CHRM2: variants seen among roughly 807,000 people sequenced by gnomAD.
The protein encoded by CHRM2 is cholinergic receptor muscarinic 2, also known as muscarinic acetylcholine receptor M2.
Under a neutral mutation model 25.0 loss-of-function variants are expected in CHRM2, and 8 were observed. The ratio of observed to expected loss-of-function variants is 0.32; its 90% CI spans 0.19 to 0.58. The LOEUF (loss-of-function observed/expected upper bound fraction) is 0.58. Ranked by LOEUF, CHRM2 falls within the 20% of genes least tolerant of loss-of-function variation. CHRM2 has a pLI of 0.88. For missense variants in CHRM2, 440 were observed against 567.1 expected (o/e 0.78, Z 2.28); for synonymous variants, 202 against 205.7 (o/e 0.98, Z 0.15).
chr7:136,994,436 C>T (rs1221596489), intron 3 of CHRM2, among the ~76,000 whole-genome samples: 2 of 151,154 alleles, frequency 1.3e-5, no homozygotes, highest in African/African-American at 2.4e-5. Flanking sequence ...ACATAAGCCA[C>T]ATCAATTTCT....
chr7:136,942,838 T>A (rs575849289), intron 2 of CHRM2, among the ~76,000 whole-genome samples: 41 of 152,260 alleles, frequency 2.7e-4, no homozygotes, highest in African/African-American at 8.4e-4. Flanking sequence ...AATTTTTTTT[T>A]AATTTAGTTC....
At chr7:136,974,341 C>A (rs1253800369) in intron 2 of CHRM2, among the ~76,000 whole-genome samples, 2 of 152,112 alleles carry the variant, frequency 1.3e-5, no homozygotes, top group African/African-American at 2.4e-5. Flanking sequence ...GTGCTTATCC[C>A]AAGTGCCAAC....
intron 2 of CHRM2, among the ~76,000 whole-genome samples, chr7:136,980,741 C>T (rs142079194): frequency 0.01 from 1,571 of 152,204 alleles, 30 homozygotes; most frequent in African/African-American, 0.036. Context: ...AGATGGATTA[C>T]GTTTATTGAT....
intron 2 of CHRM2, chr7:136,938,206 T>C: frequency 1.3e-6 from 1 of 759,052 alleles, no homozygotes; most frequent in Non-Finnish European, 2.4e-6. Context: ...GCAGGTTACT[T>C]CTCACTCAGG....
At chr7:136,976,633 C>T (rs1186751263) in intron 2 of CHRM2, among the ~76,000 whole-genome samples, 1 of 152,106 alleles carries the variant, frequency 6.6e-6, no homozygotes, top group Non-Finnish European at 1.5e-5. Context: ...TGCTGAGAAA[C>T]CACATAGGAG....
At chr7:136,884,295 A>G (rs1193157978) in intron 2 of CHRM2, among the ~76,000 whole-genome samples, 1 of 152,130 alleles carries the variant, frequency 6.6e-6, no homozygotes, top group Non-Finnish European at 1.5e-5. Flanking sequence ...TGAGTGCCAA[A>G]TTTGCAAAAA....
rs556404780 is a variant in CHRM2, at chr7:136,878,159, T to C, written c.-125+8741T>C. On this transcript the variant is annotated intron_variant, in intron 2 of 3. Transcript: ENST00000680005. Reference sequence around the variant, plus strand: ...AAAGTGATAAGAAAATTCTACTTAATTGTGTTCTTTGGAGAGCATCAGGGC... The same window carrying C: ...AAAGTGATAAGAAAATTCTACTTAACTGTGTTCTTTGGAGAGCATCAGGGC... Among the ~76,000 whole-genome samples the C allele has an allele frequency of 8.5e-5, 13 of 152,078 alleles. No homozygotes were observed. The South Asian group carries it at 1.7e-3, about 19-fold the overall frequency.
Position 136,948,445 on chromosome 7 carries a change from G to A in CHRM2, c.-124-43742G>A, listed in dbSNP as rs150453065. ...TGGGAGTGGATCACTGGAAATGAGC[G>A]GAAGTGAGGGCAAAGTTGAAGAGGT... On this transcript the variant is annotated intron_variant, in intron 2 of 3. Coordinates refer to ENST00000680005, the MANE Select transcript of CHRM2 (RefSeq NM_001006630.2). Among the ~76,000 whole-genome samples, 113 of 152,200 alleles carry A rather than the reference G, an allele frequency of 7.4e-4. 1 individual carries two copies. The East Asian group carries it at 0.015, about 21-fold the overall frequency.
chr7:137,006,087 A>G (rs1804406046), intron 3 of CHRM2, among the ~76,000 whole-genome samples: 1 of 152,120 alleles, frequency 6.6e-6, no homozygotes, highest in South Asian at 2.1e-4. Flanking sequence ...CACATTGTTT[A>G]GTCAGCACCA....
At chr7:136,945,646 G>C (rs1469585486) in intron 2 of CHRM2, among the ~76,000 whole-genome samples, 3 of 152,054 alleles carry the variant, frequency 2.0e-5, no homozygotes, top group Non-Finnish European at 1.5e-5. Flanking sequence ...TTTGAAGTTG[G>C]GTAATGTAAT....
intron 2 of CHRM2, among the ~76,000 whole-genome samples, chr7:136,931,362 A>G (rs1185840240): frequency 1.3e-5 from 2 of 152,208 alleles, no homozygotes; most frequent in Non-Finnish European, 2.9e-5. Flanking sequence ...GTTAAGTGAT[A>G]AAGATTTTGA....
intron 2 of CHRM2, among the ~76,000 whole-genome samples, chr7:136,925,281 G>T (rs1798678451): frequency 6.6e-6 from 1 of 152,022 alleles, no homozygotes; most frequent in African/African-American, 2.4e-5. Flanking sequence ...CCGGTTGCTG[G>T]CCAAGTAGAA....
At chr7:136,966,227 C>T (rs1394956942) in intron 2 of CHRM2, among the ~76,000 whole-genome samples, 1 of 151,268 alleles carries the variant, frequency 6.6e-6, no homozygotes, top group Non-Finnish European at 1.5e-5. Context: ...AAACCATTTT[C>T]AATTTAAAAG....
chr7:136,962,720 G>A (rs1354145302), intron 2 of CHRM2, among the ~76,000 whole-genome samples: 2 of 152,144 alleles, frequency 1.3e-5, no homozygotes, highest in East Asian at 1.9e-4. Flanking sequence ...GAACGACATT[G>A]TATTAGGAAT....
At chr7:136,974,070 TG>T (rs1801957160) in intron 2 of CHRM2, among the ~76,000 whole-genome samples, 1 of 152,154 alleles carries the variant, frequency 6.6e-6, no homozygotes, top group Admixed American at 6.5e-5. Context: ...ATTTCTTGTA[TG>T]TGAGAAGCAA....
At chr7:136,909,546 G>T (rs1454991415) in intron 2 of CHRM2, among the ~76,000 whole-genome samples, 1 of 151,870 alleles carries the variant, frequency 6.6e-6, no homozygotes, top group Admixed American at 6.6e-5. Flanking sequence ...ATGAATATTG[G>T]TCCTAGGATT....
intron 3 of CHRM2, among the ~76,000 whole-genome samples, chr7:137,001,123 A>C (rs1441594423): frequency 6.6e-6 from 1 of 152,140 alleles, no homozygotes; most frequent in East Asian, 1.9e-4. Context: ...TGTGCCAAAC[A>C]TAATGAAAAC....
chr7:137,018,958 T>C lies in CHRM2; in HGVS notation c.*2692T>C, dbSNP rs1805309911. 6.6e-6 allele frequency: 1 copy of C among 151,934 alleles called. No homozygotes were observed. Among genetic ancestry groups the C allele is most frequent in the Admixed American group, 6.6e-5 (1 of 15,208 alleles). The allele number at this position is 151,934 out of a possible 1,614,324, so 9.4% of individuals were successfully genotyped here. On this transcript the variant is annotated 3_prime_UTR_variant, in exon 4 of 4. Transcript: ENST00000680005. ...CTCCCCGAAAGGGGACACTTAGCAA[T>C]GTGTAAAGACATTTTTGGTTGCCAC...
At chr7:136,903,044 T>C in intron 2 of CHRM2, 1 of 509,974 alleles carries the variant, frequency 2.0e-6, no homozygotes, top group Non-Finnish European at 3.9e-6. Context: ...AGGCCAGAGA[T>C]GGGAAATGAA....
Sources: allele counts gnomAD v4.1 joint callset (sites outside exome capture counted in the v4.1 genomes callset), GRCh38; gene constraint gnomAD v4.1.1; transcripts MANE v1.5; gene names NCBI Gene and HGNC (gene_info 2026-07-23, HGNC 2026-07-21).